TBCD: variants seen among roughly 807,000 people sequenced by gnomAD.
TBCD encodes tubulin folding cofactor D.
In TBCD, 105 loss-of-function variants were observed where a neutral mutation model predicts 169.3. The ratio of observed to expected loss-of-function variants is 0.62; its 90% CI spans 0.53 to 0.73. The LOEUF is 0.73. Ranked by LOEUF, TBCD falls within the 30% of genes least tolerant of loss-of-function variation. The pLI, the probability that TBCD is intolerant of heterozygous loss-of-function variation, is 0.00. For missense variants in TBCD, 1,444 were observed against 1,600.1 expected (o/e 0.90, Z 1.66); for synonymous variants, 700 against 643.9 (o/e 1.09, Z -1.32).
At chr17:82,841,391 C>A (rs1302147168) in intron 13 of TBCD, among the ~76,000 whole-genome samples, 1 of 151,220 alleles carries the variant, frequency 6.6e-6, no homozygotes, top group Non-Finnish European at 1.5e-5. Context: ...GATCACGGTT[C>A]ACTGTAGCCT....
rs1195988289 is a variant in TBCD, at chr17:82,874,285, A to T, written c.1475+3905A>T. 6.6e-6 allele frequency among the ~76,000 whole-genome samples: 1 copy of T among 152,078 alleles called. No homozygotes were observed. The highest frequency in any genetic ancestry group is 1.5e-5 in the Non-Finnish European group (1 of 67,982). On this transcript the variant is annotated intron_variant, in intron 14 of 38. Transcript: ENST00000355528. This position sits in a 1 kb window ranked among gnomAD's most constrained non-coding sequence, Gnocchi z 5.0. Reference sequence around the variant, plus strand: ...GCACTGTGGGCTGCAGGCTTGAAGAAGGATGTGAGTTTCTGGAGTAGCCTG... The same window carrying T: ...GCACTGTGGGCTGCAGGCTTGAAGATGGATGTGAGTTTCTGGAGTAGCCTG...
At chr17:82,932,327 CCT>C (rs1353204837) in intron 33 of TBCD, among the ~76,000 whole-genome samples, 3 of 152,226 alleles carry the variant, frequency 2.0e-5, no homozygotes, top group African/African-American at 7.2e-5. Flanking sequence ...GGAGGGCTCC[CCT>C]CTCCGCTGCA....
At chr17:82,818,248 T>C (rs1281694782) in intron 13 of TBCD, among the ~76,000 whole-genome samples, 1 of 152,222 alleles carries the variant, frequency 6.6e-6, no homozygotes, top group African/African-American at 2.4e-5. Context: ...CCATGTGAGC[T>C]GAACCCTCTT....
At chr17:82,929,049 C>T (rs538865741) in intron 30 of TBCD, 64 bp from the exon 31 acceptor site, 80 of 1,562,994 alleles carry the variant, frequency 5.1e-5, no homozygotes, top group Admixed American at 4.6e-4. Flanking sequence ...CGCCTGTGCT[C>T]AGTTTACCGC....
At chr17:82,909,191 A>AT in intron 21 of TBCD, 94 bp from the exon 22 acceptor site, 1 of 1,106,800 alleles carries the variant, frequency 9.0e-7, no homozygotes, top group Non-Finnish European at 1.3e-6. Context: ...ATCTTCTGCC[A>AT]TTTTCTCTTT....
chr17:82,918,142 C>A, intron 23 of TBCD: 1 of 160,498 alleles, frequency 6.2e-6, no homozygotes, highest in Admixed American at 6.2e-5. Flanking sequence ...AGTGTTGGAG[C>A]CGGGACTGCG....
At chr17:82,868,946 G>T in intron 13 of TBCD, among the ~76,000 whole-genome samples, 1 of 152,344 alleles carries the variant, frequency 6.6e-6, no homozygotes, top group African/African-American at 2.4e-5. Flanking sequence ...TGGCGTGTGC[G>T]TGGAGCGGGT....
At chr17:82,894,732 T>G (rs2059366287) in intron 17 of TBCD, among the ~76,000 whole-genome samples, 1 of 152,240 alleles carries the variant, frequency 6.6e-6, no homozygotes, top group South Asian at 2.1e-4. Flanking sequence ...ATGCCTGTAA[T>G]CCCAGCACTC....
chr17:82,838,000 G>A (rs1334599489), intron 13 of TBCD, among the ~76,000 whole-genome samples: 5 of 152,248 alleles, frequency 3.3e-5, no homozygotes, highest in African/African-American at 1.2e-4. Context: ...ATGCCACTCT[G>A]TGCCTTTCTA....
intron 13 of TBCD, among the ~76,000 whole-genome samples, chr17:82,848,494 C>G (rs1377344126): frequency 1.3e-5 from 2 of 152,198 alleles, no homozygotes; most frequent in African/African-American, 2.4e-5. Context: ...AGGTGTCTTA[C>G]GCTTCGGCAT....
chr17:82,859,933 C>T, intron 13 of TBCD: 1 of 975,856 alleles, frequency 1.0e-6, no homozygotes, highest in Non-Finnish European at 1.2e-6. Flanking sequence ...TTTGGCCTCC[C>T]CAGCCGTCTG....
At position 82,890,704 on chromosome 17, in the gene TBCD, G is replaced by A. The variant is rs947670980; in HGVS notation, c.1563+1007G>A. Among the ~76,000 whole-genome samples the A allele has an allele frequency of 9.2e-5, 14 of 152,190 alleles. No individual in the cohort carries two copies. Among genetic ancestry groups the A allele is most frequent in the Admixed American group, 9.2e-4 (14 of 15,290 alleles). Reference sequence around the variant, plus strand: ...TACTTCTTGCTGGCCCGAGGCAGCCGAGGCCCACCCAGCATCCTTGGGGTG... The same window carrying A: ...TACTTCTTGCTGGCCCGAGGCAGCCAAGGCCCACCCAGCATCCTTGGGGTG... On this transcript the variant is annotated intron_variant, in intron 16 of 38. Coordinates refer to ENST00000355528, the MANE Select transcript of TBCD (RefSeq NM_005993.5). The surrounding 1 kb of genome is among the most constrained non-coding windows in gnomAD (Gnocchi z 5.3).
rs562327171 is a variant in TBCD at position 82,930,764 on chromosome 17, A to G, written c.3113+121A>G. On this transcript the variant is annotated intron_variant, in intron 33 of 38. Transcript: ENST00000355528. The surrounding 1 kb of genome is among the most constrained non-coding windows in gnomAD (Gnocchi z 5.2). ...GGGTCTGAAGGGAGAAGCGAGACAC[A>G]CGCTGTACCAGTTGGTGGCTCAGCG... 65 of 1,458,726 alleles carry G rather than the reference A, an allele frequency of 4.5e-5. No homozygotes were observed. Among genetic ancestry groups the G allele is most frequent in the Non-Finnish European group, 5.9e-5 (64 of 1,078,270 alleles). 90.4% of individuals were successfully genotyped at this position (1,458,726 alleles called of 1,614,324 possible). A position where few individuals can be genotyped will look rare whatever the true frequency, so the allele number is the denominator to read the frequency against.
At position 82,849,966 on chromosome 17, in the gene TBCD, G is replaced by GCCT. The variant is rs199765655; in HGVS notation, c.1319-20258_1319-20257insCCT. On this transcript the variant is annotated intron_variant, in intron 13 of 38. Coordinates refer to ENST00000355528, the MANE Select transcript of TBCD (RefSeq NM_005993.5). ...TGCTGTTGTTGCCTGTGCTGCTGTT[G>GCCT]GCTGTGCTGCTGTTGGCTGTGCTGC... Among the ~76,000 whole-genome samples, 182 of 149,858 alleles carry GCCT rather than the reference G, an allele frequency of 1.2e-3. 1 individual carries two copies. The highest frequency in any genetic ancestry group is 4.4e-3 in the African/African-American group (179 of 40,252).
chr17:82,811,302 C>T (rs926457473), intron 12 of TBCD, among the ~76,000 whole-genome samples: 2 of 152,226 alleles, frequency 1.3e-5, no homozygotes, highest in South Asian at 4.2e-4. Context: ...AGGCCTAGTG[C>T]GTCTCCTAAA....
chr17:82,781,161 G>T (rs2048921547), intron 6 of TBCD, among the ~76,000 whole-genome samples: 1 of 152,026 alleles, frequency 6.6e-6, no homozygotes, highest in African/African-American at 2.4e-5. Flanking sequence ...AGGGGCTGGG[G>T]CCCAGCTGCC....
In TBCD at chr17:82,909,295, G is replaced by A. The variant is rs371761720; in HGVS notation, c.1994G>A (p.Arg665His). 1.4e-5 allele frequency: 21 copies of A among 1,517,392 alleles called. No homozygotes were observed. Among genetic ancestry groups the A allele is most frequent in the African/African-American group, 9.6e-5 (7 of 72,632 alleles). The allele number at this position is 1,517,392 out of a possible 1,614,324, so 94.0% of individuals were successfully genotyped here. The change falls in exon 22 of 39, where the codon CGT (arginine) becomes CAT (histidine). Residue 665 changes from arginine to histidine, a missense_variant. Coordinates refer to ENST00000355528, the MANE Select transcript of TBCD (RefSeq NM_005993.5). ...LKQIHQQLYDRQLYRGLGGQL... is the reference protein window; with the variant it reads ...LKQIHQQLYDHQLYRGLGGQL... ...GTTTTTTATTTTCAGCTCTATGATC[G>A]TCAGTTATACAGGTGAGCTTTACAA...
chr17:82,769,986 A>G (rs2048222435), intron 5 of TBCD, among the ~76,000 whole-genome samples: 2 of 152,150 alleles, frequency 1.3e-5, no homozygotes, highest in Non-Finnish European at 2.9e-5. Context: ...GGCTGTTGAC[A>G]ATTCTTACCC....
In TBCD at chr17:82,798,169, T is replaced by C. The variant is rs2050246922; in HGVS notation, c.817+367T>C. On this transcript the variant is annotated intron_variant, in intron 8 of 38. Transcript: ENST00000355528. The stretch of plus-strand genomic sequence containing the variant: ...TTTTTGTATTTTTTTTTTTTTGAGA[T>C]GGATTTTCTCTCTGTCGCCCAGGCT... Among the ~76,000 whole-genome samples, 3 of 114,668 alleles carry C rather than the reference T, an allele frequency of 2.6e-5. No homozygotes were observed. In the South Asian group the frequency reaches 8.3e-4, roughly 32 times the overall value. The allele number at this position is 114,668 out of a possible 152,430, so 75.2% of individuals were successfully genotyped here. A position where few individuals can be genotyped will look rare whatever the true frequency, so the allele number is the denominator to read the frequency against.
Sources: gnomAD v4.1 joint callset for allele counts (sites outside exome capture counted in the v4.1 genomes callset) on GRCh38, gnomAD v4.1.1 for gene constraint, Gnocchi (gnomAD v3.1) non-coding constraint, MANE v1.5 for transcripts, NCBI Gene and HGNC (gene_info 2026-07-23, HGNC 2026-07-21) for gene names.